Variants in NOL4 observed in about 807,000 individuals in gnomAD.
NOL4 encodes nucleolar protein 4, also known as cancer/testis antigen 125.
Under a neutral mutation model 75.9 loss-of-function variants are expected in NOL4, and 17 were observed. The observed-to-expected ratio is 0.22, with a 90% CI of 0.15 to 0.34. The LOEUF (loss-of-function observed/expected upper bound fraction) is 0.34, where lower values mean the gene tolerates loss of function less well. Among genes scored for constraint, NOL4 ranks in the 10% least tolerant of loss-of-function variants. The pLI, the probability that NOL4 is intolerant of heterozygous loss-of-function variation, is 1.00. For synonymous variants in NOL4, 292 were observed against 289.9 expected, an observed-to-expected ratio of 1.01 and a Z score of -0.07; for missense variants, 614 against 793.5, an observed-to-expected ratio of 0.77 and a Z score of 2.72.
At chr18:34,044,225 A>AT (rs2076263383) in intron 5 of NOL4, among the ~76,000 whole-genome samples, 1 of 152,116 alleles carries the variant, frequency 6.6e-6, no homozygotes, top group South Asian at 2.1e-4. Context: ...TATTGTAATT[A>AT]TTATAATTAT....
intron 9 of NOL4, among the ~76,000 whole-genome samples, chr18:33,918,097 T>A (rs2066832541): frequency 6.6e-6 from 1 of 152,196 alleles, no homozygotes; most frequent in Admixed American, 6.5e-5. Context: ...TGTTTACCTA[T>A]TAATATTTTG....
chr18:34,172,171 TTAA>T (rs1289652432), intron 1 of NOL4, among the ~76,000 whole-genome samples: 1 of 152,136 alleles, frequency 6.6e-6, no homozygotes, highest in African/African-American at 2.4e-5. Flanking sequence ...AACTAAAAGA[TTAA>T]TAATTATTTT....
At chr18:34,203,738 C>A (rs1432943024) in intron 1 of NOL4, among the ~76,000 whole-genome samples, 1 of 150,520 alleles carries the variant, frequency 6.6e-6, no homozygotes, top group African/African-American at 2.4e-5. Context: ...CACACACACA[C>A]ACACACACAC....
At chr18:33,909,606 C>T (rs1187525103) in intron 9 of NOL4, among the ~76,000 whole-genome samples, 3 of 152,040 alleles carry the variant, frequency 2.0e-5, no homozygotes, top group Non-Finnish European at 4.4e-5. Context: ...CATAATCAAC[C>T]GTCCCCTTTT....
intron 5 of NOL4, among the ~76,000 whole-genome samples, chr18:34,045,961 T>C (rs1184651142): frequency 2.6e-5 from 4 of 152,172 alleles, no homozygotes; most frequent in Non-Finnish European, 5.9e-5. Context: ...TTAGAAACTC[T>C]CCTTAGTTTA....
chr18:33,924,615 A>G (rs995166886), intron 9 of NOL4, among the ~76,000 whole-genome samples: 1 of 152,206 alleles, frequency 6.6e-6, no homozygotes, highest in Admixed American at 6.5e-5. Flanking sequence ...AAATACACAT[A>G]TTTAGGGCTC....
intron 9 of NOL4, among the ~76,000 whole-genome samples, chr18:33,900,350 C>T (rs1204656745): frequency 6.6e-6 from 1 of 152,066 alleles, no homozygotes; most frequent in Non-Finnish European, 1.5e-5. Flanking sequence ...CAAACACCTC[C>T]CACTAGGCCC....
At position 33,883,361 on chromosome 18, in the gene NOL4, A is replaced by T. The variant is rs896780082; in HGVS notation, c.1606T>A (p.Ser536Thr). 6.2e-7 allele frequency: 1 copy of T among 1,613,294 alleles called. No individual in the cohort carries two copies. Among genetic ancestry groups the T allele is most frequent in the Admixed American group, 1.7e-5 (1 of 59,880 alleles). ...ACGTCCTGTGAGCCTGGAACAGCTG[A>T]TGTTGAGTAAGTGGCCTGGGTCGCC... The part of the protein sequence containing the change: ...PEATQATYST[S>T]AVPGSQDVLY... The change falls in exon 10 of 11, where the codon TCA becomes ACA. Residue 536 changes from serine to threonine, a missense_variant. This residue lies in a region of NOL4 where 128 missense variants were observed against 159.9 expected (regional missense o/e 0.80). Coordinates refer to ENST00000261592, the MANE Select transcript of NOL4 (RefSeq NM_003787.5).
In NOL4 at chr18:33,943,162, G is replaced by A; in HGVS notation, c.1445C>T (p.Ser482Phe). Residue 482 changes from serine to phenylalanine, a missense_variant, in exon 9 of 11, where the codon TCC becomes TTC. Physicochemically the swap from Ser to Phe is radical, Grantham distance 155 (BLOSUM62 -2). This residue lies in a region of NOL4 where 52 missense variants were observed against 121.1 expected (regional missense o/e 0.43). Transcript: ENST00000261592. ...CTCTGCAACTGCTGAAGTAAGGTGG[G>A]AAGGAATAGGTCGAGACTAAAAAAA... ...SGFEMSRPIP[S>F]HLTSAVAESI... 1 of 1,609,908 alleles carries A rather than the reference G, an allele frequency of 6.2e-7. No individual in the cohort carries two copies. The highest frequency in any genetic ancestry group is 1.1e-5 in the South Asian group (1 of 90,956).
chr18:33,868,224 T>G (rs2063528516), intron 10 of NOL4, among the ~76,000 whole-genome samples: 1 of 151,652 alleles, frequency 6.6e-6, no homozygotes, highest in South Asian at 2.1e-4. Flanking sequence ...TTTTTTTTTT[T>G]TCAGAGATGG....
chr18:33,957,250 T>G (rs1317691888), intron 8 of NOL4, 76 bp downstream of exon 8: 1 of 1,232,284 alleles, frequency 8.1e-7, no homozygotes, highest in African/African-American at 1.5e-5. Flanking sequence ...GACACTAAGA[T>G]GGAAAAAAAA....
chr18:33,881,870 G>C (rs2064300768), intron 10 of NOL4, among the ~76,000 whole-genome samples: 1 of 151,882 alleles, frequency 6.6e-6, no homozygotes, highest in African/African-American at 2.4e-5. Context: ...TAGATCAATG[G>C]AACAGAACAG....
chr18:34,158,605 GAC>G (rs1210465201), intron 1 of NOL4: 2 of 152,168 alleles, frequency 1.3e-5, no homozygotes, highest in Non-Finnish European at 2.9e-5. Context: ...CAGATATCCT[GAC>G]ACAGAATTGT....
intron 1 of NOL4, among the ~76,000 whole-genome samples, chr18:34,183,200 T>G (rs1420183294): frequency 6.6e-6 from 1 of 151,828 alleles, no homozygotes; most frequent in Non-Finnish European, 1.5e-5. Context: ...TTCTCAAAAT[T>G]CAATAATAAG....
At chr18:34,175,780 T>C (rs2033491551) in intron 1 of NOL4, among the ~76,000 whole-genome samples, 1 of 152,084 alleles carries the variant, frequency 6.6e-6, no homozygotes. Context: ...ACAAAGAATA[T>C]AGACTTTAAA....
Position 33,933,118 on chromosome 18 carries a change from A to C in NOL4, c.1542+9947T>G, listed in dbSNP as rs1179494479. On this transcript the variant is annotated intron_variant, in intron 9 of 10. Coordinates refer to ENST00000261592, the MANE Select transcript of NOL4 (RefSeq NM_003787.5). Reference sequence around the variant, plus strand: ...AACAAATATTGCATTTAAGCAAGTAACATGAACTTTTTGTTTTTCTACTGC... The same window carrying C: ...AACAAATATTGCATTTAAGCAAGTACCATGAACTTTTTGTTTTTCTACTGC... 2.6e-5 allele frequency among the ~76,000 whole-genome samples: 4 copies of C among 152,288 alleles called. No homozygotes were observed. In the East Asian group the frequency reaches 7.7e-4, roughly 29 times the overall value.
In NOL4 at chr18:34,125,309, CTCTG is replaced by C. The variant is rs1395167677; in HGVS notation, c.414+4558_414+4561del. Reference sequence around the variant, plus strand: ...TGTTAAGATCTGCAAACTCTACAAACTCTGTCTTAGACTACAGAATTATATCATA... The same window carrying C: ...TGTTAAGATCTGCAAACTCTACAAACTCTTAGACTACAGAATTATATCATA... On this transcript the variant is annotated intron_variant, in intron 2 of 10. Coordinates refer to ENST00000261592, the MANE Select transcript of NOL4 (RefSeq NM_003787.5). Among the ~76,000 whole-genome samples the C allele has an allele frequency of 3.3e-5, 5 of 152,292 alleles. No individual in the cohort carries two copies. In the East Asian group the frequency reaches 5.8e-4, roughly 18 times the overall value.
chr18:34,064,953 A>ACAC (rs2077211960), intron 5 of NOL4, among the ~76,000 whole-genome samples: 3 of 145,354 alleles, frequency 2.1e-5, no homozygotes, highest in Admixed American at 6.9e-5. Context: ...ACACACACAC[A>ACAC]TCATATGTGT....
At chr18:34,181,270 A>T (rs1211346949) in intron 1 of NOL4, among the ~76,000 whole-genome samples, 1 of 151,634 alleles carries the variant, frequency 6.6e-6, no homozygotes, top group African/African-American at 2.4e-5. Flanking sequence ...AAACACATAT[A>T]GTTATGTAAA....
Sources: gnomAD v4.1 joint callset for allele counts (sites outside exome capture counted in the v4.1 genomes callset) on GRCh38, gnomAD v4.1.1 for gene constraint, gnomAD v4.1.1 regional missense constraint, MANE v1.5 for transcripts, NCBI Gene and HGNC (gene_info 2026-07-23, HGNC 2026-07-21) for gene names.